PTPN14: variants seen among roughly 807,000 people sequenced by gnomAD.
PTPN14 encodes the protein tyrosine-protein phosphatase non-receptor type 14.
A neutral mutation model predicts 126.8 loss-of-function variants in PTPN14; 53 were observed. The ratio of observed to expected loss-of-function variants is 0.42; its 90% CI spans 0.34 to 0.53. The LOEUF is 0.53. PTPN14 is among the 20% of genes least tolerant of loss of function. The probability of loss-of-function intolerance (pLI) is 0.08; values close to 1 mark genes in which losing one functional copy is unlikely to be tolerated. For synonymous variants in PTPN14, 630 were observed against 599.3 expected (o/e 1.05, Z -0.75); for missense variants, 1,257 against 1,552.9 (o/e 0.81, Z 3.20).
At position 214,393,726 on chromosome 1, in the gene PTPN14, T is replaced by C. The variant is rs371765337; in HGVS notation, c.898A>G (p.Lys300Glu). Residue 300 changes from lysine (K) to glutamate (E), a missense_variant, in exon 10 of 19, where the codon AAG (lysine) becomes GAG (glutamate). This residue lies in a region of PTPN14 where 1,021 missense variants were observed against 1,183.3 expected (regional missense o/e 0.86). Transcript: ENST00000366956. ...CAGATTTTGTTTTGTTTGTAAAACT[T>C]GTGTCGTGTGGCAAACAACCGAGAA... The part of the protein sequence containing the change: ...YISRLFATRH[K>E]FYKQNKICTE... The C allele has an allele frequency of 8.4e-5, 134 of 1,603,410 alleles. No homozygotes were observed. The highest frequency in any genetic ancestry group is 5.0e-4 in the Middle Eastern group (3 of 6,038).
At position 214,352,576 on chromosome 1, in the gene PTPN14, A is replaced by T. The variant is rs1657726804; in HGVS notation, c.*5346T>A. ...CATCTGTAAGGTCCTTTGCCCCAAA[A>T]TGTCTTAGAAGCTTAAGTAAAGACA... On this transcript the variant is annotated 3_prime_UTR_variant, in exon 19 of 19. Coordinates refer to ENST00000366956, the MANE Select transcript of PTPN14 (RefSeq NM_005401.5). 6.6e-6 allele frequency: 1 copy of T among 152,218 alleles called. No homozygotes were observed. The highest frequency in any genetic ancestry group is 2.1e-4 in the South Asian group (1 of 4,830). 9.4% of individuals were successfully genotyped at this position (152,218 alleles called of 1,614,324 possible). A position where few individuals can be genotyped will look rare whatever the true frequency, so the allele number is the denominator to read the frequency against.
intron 1 of PTPN14, among the ~76,000 whole-genome samples, chr1:214,468,043 G>GA (rs1169373494): frequency 1.5e-3 from 218 of 147,930 alleles, no homozygotes; most frequent in African/African-American, 3.6e-3. Flanking sequence ...ATCCAAGTGT[G>GA]AAAAAAAAAA....
At chr1:214,464,057 C>T (rs185246867) in intron 2 of PTPN14, among the ~76,000 whole-genome samples, 5 of 152,212 alleles carry the variant, frequency 3.3e-5, no homozygotes, top group Admixed American at 2.0e-4. Context: ...ATCTCACAGA[C>T]GGCGTGAAGG....
At position 214,377,996 on chromosome 1, in the gene PTPN14, T is replaced by C; in HGVS notation, c.2651A>G (p.Asn884Ser). 1 of 1,613,614 alleles carries C rather than the reference T, an allele frequency of 6.2e-7. No homozygotes were observed. ...GGGAACCCGGGTGGCATCAACTCGATTCTCTTCCCGCCCTGAGACTCGAGC... is the reference window on the plus strand; with the variant it reads ...GGGAACCCGGGTGGCATCAACTCGACTCTCTTCCCGCCCTGAGACTCGAGC... ...SVARVSGREE[N>S]RVDATRVPMD... The change falls in exon 14 of 19, where the codon AAT becomes AGT. Residue 884 changes from asparagine (N) to serine (S), a missense_variant. Asn to Ser is a conservative substitution (Grantham distance 46, BLOSUM62 1). Coordinates refer to ENST00000366956, the MANE Select transcript of PTPN14 (RefSeq NM_005401.5).
At chr1:214,439,941 C>A (rs986488218) in intron 3 of PTPN14, among the ~76,000 whole-genome samples, 2 of 152,212 alleles carry the variant, frequency 1.3e-5, no homozygotes, top group African/African-American at 4.8e-5. Flanking sequence ...TTTCCCTCTA[C>A]CCTTTGTTTC....
chr1:214,360,718 T>A (rs1407116236), intron 18 of PTPN14, among the ~76,000 whole-genome samples: 1 of 152,192 alleles, frequency 6.6e-6, no homozygotes, highest in Non-Finnish European at 1.5e-5. Context: ...GCTCTACCAC[T>A]TCTTGACTGT....
intron 1 of PTPN14, among the ~76,000 whole-genome samples, chr1:214,546,745 C>T (rs1157907733): frequency 6.6e-6 from 1 of 152,096 alleles, no homozygotes; most frequent in East Asian, 1.9e-4. Context: ...CAGTAGTCCT[C>T]GGGGTCAAAC....
At chr1:214,525,235 G>A (rs1655359544) in intron 1 of PTPN14, among the ~76,000 whole-genome samples, 1 of 152,190 alleles carries the variant, frequency 6.6e-6, no homozygotes, top group East Asian at 1.9e-4. Flanking sequence ...CCACAGTGGA[G>A]CAAAACTTCG....
intron 1 of PTPN14, among the ~76,000 whole-genome samples, chr1:214,498,144 T>A (rs1412303729): frequency 6.6e-6 from 1 of 152,206 alleles, no homozygotes; most frequent in Non-Finnish European, 1.5e-5. Context: ...TATTTAAAAC[T>A]AAGAAAACAG....
intron 1 of PTPN14, among the ~76,000 whole-genome samples, chr1:214,475,211 A>G (rs758013516): frequency 1.3e-5 from 2 of 152,226 alleles, no homozygotes; most frequent in Non-Finnish European, 2.9e-5. Flanking sequence ...GGTAAAACAG[A>G]TAACAGTGCT....
At chr1:214,448,158 A>G (rs1558106656) in intron 3 of PTPN14, among the ~76,000 whole-genome samples, 1 of 152,218 alleles carries the variant, frequency 6.6e-6, no homozygotes, top group Non-Finnish European at 1.5e-5. Flanking sequence ...CTAAAATTGT[A>G]AAGAGTTTTA....
At chr1:214,472,361 C>T (rs1227674180) in intron 1 of PTPN14, among the ~76,000 whole-genome samples, 1 of 152,140 alleles carries the variant, frequency 6.6e-6, no homozygotes, top group African/African-American at 2.4e-5. Context: ...CCTCCTTCAC[C>T]TTCCACCATG....
intron 1 of PTPN14, among the ~76,000 whole-genome samples, chr1:214,500,466 G>T (rs1654655457): frequency 6.6e-6 from 1 of 152,020 alleles, no homozygotes; most frequent in Non-Finnish European, 1.5e-5. Context: ...CATCTTTCCG[G>T]CAACAAAGAA....
intron 1 of PTPN14, among the ~76,000 whole-genome samples, chr1:214,545,170 A>T (rs11120349): frequency 0.26 from 39,579 of 152,154 alleles, 5,691 homozygotes; most frequent in Middle Eastern, 0.41. Context: ...CAAAAATTTG[A>T]GATCAAAAAC....
rs575823085 is a variant in PTPN14 at position 214,388,503 on chromosome 1, T to C, written c.988-1581A>G. The stretch of plus-strand genomic sequence containing the variant: ...CTCACTGCAACCTCCGCCTCCCGGG[T>C]TCAAGAGATTCTCATGCCTCAGCCT... On this transcript the variant is annotated intron_variant, in intron 11 of 18. Coordinates refer to ENST00000366956, the MANE Select transcript of PTPN14 (RefSeq NM_005401.5). Among the ~76,000 whole-genome samples, 9 of 152,068 alleles carry C rather than the reference T, an allele frequency of 5.9e-5. No individual in the cohort carries two copies. The East Asian group carries it at 1.7e-3, about 29-fold the overall frequency.
rs1660786808 is a variant in PTPN14, at chr1:214,472,737, AG to A, written c.-154-7781del. 2.0e-5 allele frequency among the ~76,000 whole-genome samples: 3 copies of A among 152,212 alleles called. No homozygotes were observed. The South Asian group carries it at 6.2e-4, about 31-fold the overall frequency. On this transcript the variant is annotated intron_variant, in intron 1 of 18. Coordinates refer to ENST00000366956, the MANE Select transcript of PTPN14 (RefSeq NM_005401.5). ...TTATTCCACTGACTCATGCTTTTTC[AG>A]GGGAAAAAATTGAACTTGGGTTTCC...
chr1:214,389,774 A>C (rs1424159904), intron 11 of PTPN14, among the ~76,000 whole-genome samples: 1 of 152,244 alleles, frequency 6.6e-6, no homozygotes, highest in East Asian at 1.9e-4. Context: ...TAATAAAGAC[A>C]TCTATACTCT....
rs78747736 is a variant in PTPN14 at position 214,513,299 on chromosome 1, G to C, written c.-155+37884C>G. Among the ~76,000 whole-genome samples the C allele has an allele frequency of 3.9e-3, 595 of 152,300 alleles. 3 individuals carry two copies. Among genetic ancestry groups the C allele is most frequent in the African/African-American group, 0.013 (559 of 41,558 alleles). ...TGCCAAGCACTGTTTTAGATGCTGT[G>C]CAAGTGGAAGTAAACAAAACAGATT... On this transcript the variant is annotated intron_variant, in intron 1 of 18. Transcript: ENST00000366956.
chr1:214,405,638 T>A (rs1009907792), intron 5 of PTPN14, among the ~76,000 whole-genome samples: 6 of 151,500 alleles, frequency 4.0e-5, no homozygotes, highest in African/African-American at 1.2e-4. Flanking sequence ...AGAGTGATGT[T>A]ACCTGGAAAA....
Sources: allele counts gnomAD v4.1 joint callset (sites outside exome capture counted in the v4.1 genomes callset), GRCh38; gene constraint gnomAD v4.1.1; regional missense constraint gnomAD v4.1.1; transcripts MANE v1.5; gene names NCBI Gene and HGNC (gene_info 2026-07-23, HGNC 2026-07-21).